OSBPL10: variants seen among roughly 807,000 people sequenced by gnomAD.
OSBPL10 encodes oxysterol binding protein like 10.
OSBPL10 carries 49 observed loss-of-function variants against 81.7 expected under a neutral mutation model. The ratio of observed to expected loss-of-function variants is 0.60; its 90% confidence interval spans 0.48 to 0.76. The LOEUF is 0.76. Ranked by LOEUF, OSBPL10 falls within the 30% of genes least tolerant of loss-of-function variation. OSBPL10 has a pLI of 0.00. For missense variants in OSBPL10, 923 were observed against 987.8 expected, an observed-to-expected ratio of 0.93 and a Z score of 0.88; for synonymous variants, 419 against 383.6, an observed-to-expected ratio of 1.09 and a Z score of -1.08.
At chr3:31,812,743 AAAGAAAGAAAGAAAGAAAGAAAGAAAG>A (rs1699722995) in intron 4 of OSBPL10, among the ~76,000 whole-genome samples, 1 of 25,966 alleles carries the variant, frequency 3.9e-5, no homozygotes, top group African/African-American at 1.6e-4. Flanking sequence ...AGAAAGAAAG[AAAGAAAGAAAGAAAGAAAGAAAGAAAG>A]AAAGAAAGAA....
At chr3:31,662,511 C>T in intron 11 of OSBPL10, 6 of 1,014,438 alleles carry the variant, frequency 5.9e-6, no homozygotes, top group Non-Finnish European at 7.1e-6. Context: ...CAGGGGAACA[C>T]CCAACAAAGG....
At chr3:31,927,285 G>C (rs566957049) in intron 1 of OSBPL10, among the ~76,000 whole-genome samples, 3 of 152,292 alleles carry the variant, frequency 2.0e-5, no homozygotes, top group East Asian at 3.9e-4. Context: ...ATATGTAAAA[G>C]AAACTCTGGA....
At chr3:31,942,534 C>CAAAAAAAA (rs34915200) in intron 1 of OSBPL10, among the ~76,000 whole-genome samples, 3 of 79,744 alleles carry the variant, frequency 3.8e-5, no homozygotes, top group African/African-American at 4.9e-5. Context: ...GACTCCATCT[C>CAAAAAAAA]AAAAAAAAAA....
At chr3:31,767,573 G>GAAGT (rs1329808627) in intron 4 of OSBPL10, among the ~76,000 whole-genome samples, 14 of 88,496 alleles carry the variant, frequency 1.6e-4, no homozygotes, top group Admixed American at 5.4e-4. Flanking sequence ...CTCCCACTTA[G>GAAGT]AAGTCCCCGT....
intron 7 of OSBPL10, among the ~76,000 whole-genome samples, chr3:31,686,648 A>G (rs1438869966): frequency 2.6e-5 from 4 of 152,222 alleles, no homozygotes; most frequent in Admixed American, 1.3e-4. Flanking sequence ...ATGCAAATCA[A>G]TGGAGGTTTC....
chr3:31,991,863 T>TA (rs34418500), intron 2 of OSBPL10, among the ~76,000 whole-genome samples: 2,843 of 146,088 alleles, frequency 0.019, 85 homozygotes, highest in East Asian at 0.15. Flanking sequence ...CAAGACAGGC[T>TA]AAAAAAAAAA....
At chr3:31,779,782 A>C (rs887913940) in intron 4 of OSBPL10, among the ~76,000 whole-genome samples, 1 of 152,248 alleles carries the variant, frequency 6.6e-6, no homozygotes, top group Admixed American at 6.5e-5. Flanking sequence ...AATACTCAAG[A>C]TAGACCATAT....
At chr3:31,965,783 A>AT (rs1246533200) in intron 1 of OSBPL10, among the ~76,000 whole-genome samples, 1 of 78,996 alleles carries the variant, frequency 1.3e-5, no homozygotes, top group Non-Finnish European at 2.1e-5. Context: ...ATATTATATA[A>AT]ATAGATAAGA....
intron 6 of OSBPL10, among the ~76,000 whole-genome samples, chr3:31,722,834 C>T (rs1034141192): frequency 6.6e-6 from 1 of 151,972 alleles, no homozygotes; most frequent in African/African-American, 2.4e-5. Context: ...AATACATTTG[C>T]TGTAAATAAA....
intron 2 of OSBPL10, among the ~76,000 whole-genome samples, chr3:32,041,760 C>T (rs746236451): frequency 1.3e-5 from 2 of 152,122 alleles, no homozygotes; most frequent in Non-Finnish European, 2.9e-5. Flanking sequence ...CAGGTTCCAG[C>T]AATTCTCCTG....
At position 31,810,168 on chromosome 3, in the gene OSBPL10, G is replaced by A. The variant is rs139739651; in HGVS notation, c.729+19872C>T. 6.2e-3 allele frequency among the ~76,000 whole-genome samples: 943 copies of A among 151,982 alleles called. 25 individuals are homozygous for A. The highest frequency in any genetic ancestry group is 0.023 in the East Asian group (118 of 5,166). On this transcript the variant is annotated intron_variant, in intron 4 of 11. Transcript: ENST00000396556. Reference sequence around the variant, plus strand: ...TCACAGGCATGAGCCACCGCACCTCGCCCCCTCTGACTCTTTATACCAAAT... The same window carrying A: ...TCACAGGCATGAGCCACCGCACCTCACCCCCTCTGACTCTTTATACCAAAT...
At chr3:32,074,990 C>A (rs544960944) in intron 1 of OSBPL10, among the ~76,000 whole-genome samples, 4 of 149,710 alleles carry the variant, frequency 2.7e-5, no homozygotes, top group African/African-American at 9.8e-5. Flanking sequence ...AACTGCGGGT[C>A]CCCCTCATGA....
intron 3 of OSBPL10, among the ~76,000 whole-genome samples, chr3:31,869,579 G>C (rs1701269535): frequency 6.6e-6 from 1 of 152,138 alleles, no homozygotes. Flanking sequence ...TTCCAGAGCT[G>C]TTTCCTCTGC....
intron 2 of OSBPL10, among the ~76,000 whole-genome samples, chr3:32,037,858 G>A (rs562705332): frequency 6.6e-6 from 1 of 152,232 alleles, no homozygotes; most frequent in South Asian, 2.1e-4. Context: ...ACTGCTTCAT[G>A]GAGGAGTGAA....
At chr3:31,886,834 G>A (rs1314313308) in intron 1 of OSBPL10, among the ~76,000 whole-genome samples, 1 of 152,066 alleles carries the variant, frequency 6.6e-6, no homozygotes, top group Non-Finnish European at 1.5e-5. Context: ...CAGCTACTCG[G>A]GAGGCTGAGG....
At chr3:31,847,873 A>C (rs1026681922) in intron 3 of OSBPL10, among the ~76,000 whole-genome samples, 20 of 152,092 alleles carry the variant, frequency 1.3e-4, no homozygotes, top group African/African-American at 4.8e-4. Flanking sequence ...AGGGCCCAGA[A>C]GCTGCAGCCA....
intron 7 of OSBPL10, among the ~76,000 whole-genome samples, chr3:31,700,015 CT>C (rs1413808206): frequency 6.6e-6 from 1 of 152,144 alleles, no homozygotes; most frequent in Non-Finnish European, 1.5e-5. Context: ...TTTCATCAAC[CT>C]TTTTATAATA....
chr3:31,887,946 T>C (rs949308414), intron 1 of OSBPL10, among the ~76,000 whole-genome samples: 1 of 151,832 alleles, frequency 6.6e-6, no homozygotes, highest in African/African-American at 2.4e-5. Flanking sequence ...CACCAAGATG[T>C]AGAGATTCCA....
chr3:31,803,328 T>C (rs4586856), intron 4 of OSBPL10, among the ~76,000 whole-genome samples: 108,904 of 151,450 alleles, frequency 0.72, 39,340 homozygotes, highest in East Asian at 0.76. Flanking sequence ...CTTCAGGGGA[T>C]AAGACTGCCA....
Sources: gnomAD v4.1 joint callset for allele counts (sites outside exome capture counted in the v4.1 genomes callset) on GRCh38, gnomAD v4.1.1 for gene constraint, MANE v1.5 for transcripts, NCBI Gene and HGNC (gene_info 2026-07-23, HGNC 2026-07-21) for gene names.